Variants in FAM153A observed in about 807,000 individuals in gnomAD.
FAM153A encodes protein FAM153A.
In FAM153A, 12 loss-of-function variants were observed where a neutral mutation model predicts 48.1. That is an observed-to-expected ratio of 0.25 (90% CI 0.16 to 0.40). The LOEUF (loss-of-function observed/expected upper bound fraction) is 0.40. Ranked by LOEUF, FAM153A falls within the 10% of genes least tolerant of loss-of-function variation. The pLI, the probability that FAM153A is intolerant of heterozygous loss-of-function variation, is 1.00. For missense variants in FAM153A, 111 were observed against 345.8 expected (o/e 0.32, Z 5.38); for synonymous variants, 36 against 118.2 (o/e 0.30, Z 4.51).
downstream of FAM153A, among the ~76,000 whole-genome samples, chr5:177,718,947 C>A (rs1460110255): frequency 1.3e-5 from 2 of 151,224 alleles, no homozygotes; most frequent in Non-Finnish European, 2.9e-5. Flanking sequence ...GTGGTGTGAT[C>A]TCAGCTCACT....
At chr5:177,704,940 G>A (rs1321330149), downstream of FAM153A, among the ~76,000 whole-genome samples, 6 of 151,246 alleles carry the variant, frequency 4.0e-5, no homozygotes, top group African/African-American at 1.5e-4. Context: ...GGTGGAGGGT[G>A]CAGTGAGCCA....
At chr5:177,781,223 G>C (rs1219597531), upstream of FAM153A, among the ~76,000 whole-genome samples, 2 of 120,128 alleles carry the variant, frequency 1.7e-5, no homozygotes, top group East Asian at 2.4e-4. Context: ...CTCAGCCTCC[G>C]GAGTAGCTGG....
chr5:177,705,658 CTTTTT>C (rs70994931), downstream of FAM153A, among the ~76,000 whole-genome samples: 5 of 79,836 alleles, frequency 6.3e-5, no homozygotes, highest in South Asian at 4.8e-4. Flanking sequence ...TTTTCTTTTT[CTTTTT>C]TTTTTTTTTT....
intron 26 of FAM153A, chr5:177,713,621 T>A (rs1758954234): frequency 1.3e-5 from 2 of 151,780 alleles, no homozygotes; most frequent in Admixed American, 1.3e-4. Context: ...TTGGCCAGGA[T>A]GGTCTCTATC....
chr5:177,706,514 A>G (rs1203336876), downstream of FAM153A, among the ~76,000 whole-genome samples: 1 of 152,042 alleles, frequency 6.6e-6, no homozygotes, highest in Non-Finnish European at 1.5e-5. Context: ...TACATTTATT[A>G]GAGTAACATG....
intron 1 of FAM153A, among the ~76,000 whole-genome samples, chr5:177,759,912 C>A (rs1217862928): frequency 6.6e-6 from 1 of 151,452 alleles, no homozygotes; most frequent in African/African-American, 2.4e-5. Flanking sequence ...ATGTAACAAA[C>A]CTGCACGTTG....
downstream of FAM153A, chr5:177,708,037 C>T (rs1758014237): frequency 2.0e-5 from 3 of 152,524 alleles, no homozygotes; most frequent in Non-Finnish European, 4.4e-5. Flanking sequence ...ACAAGATCCC[C>T]TGGGGGCACA....
At chr5:177,756,394 G>T (rs1450802932), upstream of FAM153A, among the ~76,000 whole-genome samples, 36 of 145,518 alleles carry the variant, frequency 2.5e-4, no homozygotes, top group Non-Finnish European at 3.8e-4. Context: ...ATGGGAGACT[G>T]TAACACCCCA....
chr5:177,770,148 C>T lies in FAM153A; in HGVS notation c.-57+10301G>A, dbSNP rs562774922. Among the ~76,000 whole-genome samples the T allele has an allele frequency of 3.3e-4, 43 of 129,798 alleles. 1 individual carries two copies. The highest frequency in any genetic ancestry group is 1.2e-3 in the African/African-American group (40 of 32,424). The allele number at this position is 129,798 out of a possible 152,430, so 85.2% of individuals were successfully genotyped here. On this transcript the variant is annotated intron_variant, in intron 1 of 8. Transcript: ENST00000393518. ...TGTATTTATCTATAACATTCACTGC[C>T]TGGTCTTATTTCCAACCCAAGGTAA...
In FAM153A at chr5:177,740,949, GGGCACGTGGAAA is replaced by G. The variant is rs1765356056; in HGVS notation, c.442-160_442-149del. 3.4e-6 allele frequency: 2 copies of G among 590,748 alleles called. 1 individual carries two copies. Among genetic ancestry groups the G allele is most frequent in the Admixed American group, 7.7e-5 (2 of 25,920 alleles). 36.6% of individuals were successfully genotyped at this position (590,748 alleles called of 1,614,324 possible). A position where few individuals can be genotyped will look rare whatever the true frequency, so the allele number is the denominator to read the frequency against. On this transcript the variant is annotated intron_variant, in intron 7 of 20. Transcript: ENST00000614127. ...CAAGGGCTCCAAATTAAAGCCTAGA[GGGCACGTGGAAA>G]GGCACAAATTTTCTGTGCATGATTT... is the stretch of plus-strand genomic sequence containing the variant.
the FAM153A span, among the ~76,000 whole-genome samples, chr5:177,702,130 G>A: frequency 6.6e-6 from 1 of 151,746 alleles, no homozygotes; most frequent in South Asian, 2.1e-4. Flanking sequence ...GGATGGTCTC[G>A]ATCTCCTGAC....
At chr5:177,757,939 A>G (rs1405376976), upstream of FAM153A, among the ~76,000 whole-genome samples, 4 of 151,848 alleles carry the variant, frequency 2.6e-5, no homozygotes, top group Admixed American at 6.6e-5. Context: ...GCCCTCTCTC[A>G]CCACTCCTCT....
At chr5:177,697,648 T>C in the FAM153A span, among the ~76,000 whole-genome samples, 1 of 151,900 alleles carries the variant, frequency 6.6e-6, no homozygotes, top group Non-Finnish European at 1.5e-5. Context: ...TCAGCAGTCC[T>C]AGGATCTGGG....
At chr5:177,756,362 CTT>C (rs1767731703), upstream of FAM153A, among the ~76,000 whole-genome samples, 1 of 147,996 alleles carries the variant, frequency 6.8e-6, no homozygotes, top group South Asian at 2.2e-4. Context: ...TACAAAGAGA[CTT>C]AGACTCCCAC....
At chr5:177,721,989 A>C (rs1761129859), downstream of FAM153A, 2 of 151,734 alleles carry the variant, frequency 1.3e-5, no homozygotes, top group Non-Finnish European at 2.9e-5. Flanking sequence ...AATTACAAAA[A>C]CTTAAAACCG....
At chr5:177,703,009 C>T (rs1237333075), downstream of FAM153A, among the ~76,000 whole-genome samples, 1 of 152,008 alleles carries the variant, frequency 6.6e-6, no homozygotes, top group East Asian at 1.9e-4. Context: ...TTGGATTTCC[C>T]ACGCAGAGTC....
chr5:177,739,223 A>G, intron 9 of FAM153A, 86 bp from the exon 12 acceptor site: 1 of 1,446,686 alleles, frequency 6.9e-7, no homozygotes, highest in South Asian at 1.2e-5. Context: ...TGCTATTAGA[A>G]AACCAGATGG....
At chr5:177,754,070 G>A (rs1410062670), upstream of FAM153A, among the ~76,000 whole-genome samples, 1 of 151,816 alleles carries the variant, frequency 6.6e-6, no homozygotes, top group Non-Finnish European at 1.5e-5. Flanking sequence ...AAAGGGTCAG[G>A]GAATTCCCTC....
At chr5:177,713,862 C>T (rs1759024067) in exon 26 of FAM153A, 2 of 151,902 alleles carry the variant, frequency 1.3e-5, no homozygotes, top group Admixed American at 6.6e-5. Flanking sequence ...GAGCAGCTTC[C>T]GCAGGAGCTC....
Sources: gnomAD v4.1 joint callset for allele counts (sites outside exome capture counted in the v4.1 genomes callset) on GRCh38, gnomAD v4.1.1 for gene constraint, MANE v1.5 for transcripts, NCBI Gene and HGNC (gene_info 2026-07-23, HGNC 2026-07-21) for gene names.